The following MEF2A variants were observed in gnomAD, a reference collection of about 807,000 sequenced individuals.
MEF2A encodes the protein myocyte enhancer factor 2A.
Under a neutral mutation model 55.8 loss-of-function variants are expected in MEF2A, and 28 were observed. That is an observed-to-expected ratio of 0.50 (90% CI 0.37 to 0.69). The LOEUF is 0.69. MEF2A is among the 30% of genes least tolerant of loss of function. The pLI is 0.00. For synonymous variants in MEF2A, 239 were observed against 227.1 expected (o/e 1.05, Z -0.47); for missense variants, 528 against 626.2 (o/e 0.84, Z 1.67).
At chr15:99,581,545 G>C (rs535556388) in intron 1 of MEF2A, among the ~76,000 whole-genome samples, 3 of 151,666 alleles carry the variant, frequency 2.0e-5, no homozygotes, top group Admixed American at 2.0e-4. Flanking sequence ...TCTTTCAACT[G>C]GTGAATATGG....
intron 1 of MEF2A, among the ~76,000 whole-genome samples, chr15:99,584,038 G>C (rs1362242587): frequency 6.6e-6 from 1 of 152,108 alleles, no homozygotes; most frequent in Non-Finnish European, 1.5e-5. Flanking sequence ...GCTGAATAGT[G>C]TAGGCATTTG....
chr15:99,633,735 C>T (rs1284349963), intron 3 of MEF2A, among the ~76,000 whole-genome samples: 1 of 151,640 alleles, frequency 6.6e-6, no homozygotes, highest in South Asian at 2.1e-4. Flanking sequence ...CTTACAGATT[C>T]AAGGTAATTA....
At chr15:99,619,444 A>T (rs2040769333) in intron 2 of MEF2A, among the ~76,000 whole-genome samples, 1 of 152,096 alleles carries the variant, frequency 6.6e-6, no homozygotes, top group Admixed American at 6.5e-5. Context: ...GTCTTCAGTT[A>T]TTTTTCAGAT....
At chr15:99,677,176 A>G (rs1255956134) in intron 7 of MEF2A, among the ~76,000 whole-genome samples, 16 of 152,098 alleles carry the variant, frequency 1.1e-4, no homozygotes, top group Admixed American at 1.0e-3. Flanking sequence ...AGACCTTATT[A>G]TTTCTAACTT....
At chr15:99,700,890 T>C (rs2057313720) in intron 8 of MEF2A, among the ~76,000 whole-genome samples, 2 of 146,708 alleles carry the variant, frequency 1.4e-5, no homozygotes, top group South Asian at 4.8e-4. Flanking sequence ...AGTCCATTAC[T>C]GATATAAATA....
intron 1 of MEF2A, among the ~76,000 whole-genome samples, chr15:99,595,577 T>C (rs1056187710): frequency 6.6e-6 from 1 of 152,184 alleles, no homozygotes; most frequent in East Asian, 1.9e-4. Context: ...TATTGAATCC[T>C]GGGCCAGATA....
chr15:99,573,635 A>G (rs572926980), intron 1 of MEF2A, among the ~76,000 whole-genome samples: 32 of 152,308 alleles, frequency 2.1e-4, no homozygotes, highest in Non-Finnish European at 3.8e-4. Flanking sequence ...AACTAATTTC[A>G]TATGTTTATA....
chr15:99,683,711 TAAAAA>T (rs11299840), intron 7 of MEF2A, among the ~76,000 whole-genome samples: 15 of 139,454 alleles, frequency 1.1e-4, no homozygotes, highest in African/African-American at 3.8e-4. Flanking sequence ...GGCCTTTTAT[TAAAAA>T]AAAAAAAAAA....
chr15:99,710,449 T>C (rs767102559), intron 10 of MEF2A, among the ~76,000 whole-genome samples, 185 bp from the exon 11 acceptor site: 12 of 152,156 alleles, frequency 7.9e-5, no homozygotes, highest in East Asian at 1.9e-4. Context: ...CACCATGTTG[T>C]CCAGGCTGGT....
At chr15:99,571,979 G>C (rs1433423153) in intron 1 of MEF2A, among the ~76,000 whole-genome samples, 3 of 150,390 alleles carry the variant, frequency 2.0e-5, no homozygotes, top group Non-Finnish European at 4.4e-5. Flanking sequence ...AATTTTCTAA[G>C]TGGGCTGCTT....
intron 1 of MEF2A, among the ~76,000 whole-genome samples, chr15:99,582,697 T>C (rs1966280324): frequency 1.3e-5 from 2 of 152,152 alleles, no homozygotes; most frequent in African/African-American, 4.8e-5. Context: ...AGCTGAGCTT[T>C]CGACATATGG....
intron 7 of MEF2A, among the ~76,000 whole-genome samples, chr15:99,686,511 C>G (rs886499644): frequency 6.6e-6 from 1 of 152,138 alleles, no homozygotes; most frequent in Non-Finnish European, 1.5e-5. Context: ...TCTTGACCGG[C>G]AATTATTTTG....
chr15:99,645,563 C>G lies in MEF2A; in HGVS notation c.57C>G (p.Val19=). ...AATATACCTTTTTTATTGTTTAGGT[C>G]ACTTTTACAAAGAGAAAGTTTGGAT... is the stretch of plus-strand genomic sequence containing the variant. The part of the protein sequence containing the change: ...TRIMDERNRQ[V]TFTKRKFGLM... The change falls in exon 4 of 12, where the codon GTC becomes GTG. Residue 19 remains valine, a splice_region_variant and synonymous_variant. Coordinates refer to ENST00000557942, the MANE Select transcript of MEF2A (RefSeq NM_001319206.4). 1 of 1,609,004 alleles carries G rather than the reference C, an allele frequency of 6.2e-7. No individual in the cohort carries two copies. Among genetic ancestry groups the G allele is most frequent in the Non-Finnish European group, 8.5e-7 (1 of 1,176,872 alleles).
At chr15:99,690,764 G>A (rs535494967) in intron 8 of MEF2A, 5 of 433,742 alleles carry the variant, frequency 1.2e-5, no homozygotes, top group South Asian at 3.5e-5. Flanking sequence ...GTCTTGTGGA[G>A]ATAGAGAATA....
chr15:99,650,426 T>C (rs1414961099), intron 4 of MEF2A, among the ~76,000 whole-genome samples: 2 of 152,182 alleles, frequency 1.3e-5, no homozygotes, highest in Non-Finnish European at 2.9e-5. Flanking sequence ...CTAGTGAGGA[T>C]AATAGCAGTA....
At chr15:99,701,128 T>C (rs1393774745) in intron 8 of MEF2A, among the ~76,000 whole-genome samples, 1 of 152,190 alleles carries the variant, frequency 6.6e-6, no homozygotes, top group Non-Finnish European at 1.5e-5. Flanking sequence ...TATTCATTTC[T>C]TACAAAGGGA....
chr15:99,658,615 C>T (rs1308410349), intron 4 of MEF2A, among the ~76,000 whole-genome samples: 1 of 148,784 alleles, frequency 6.7e-6, no homozygotes, highest in African/African-American at 2.5e-5. Context: ...AAAAAAAAAA[C>T]AAACAAAAAC....
intron 4 of MEF2A, among the ~76,000 whole-genome samples, chr15:99,648,200 C>G (rs1029248944): frequency 6.6e-6 from 1 of 152,106 alleles, no homozygotes; most frequent in African/African-American, 2.4e-5. Context: ...TTCCTTTTCA[C>G]AGTTTCCTTT....
At chr15:99,585,117 T>C (rs1966854956) in intron 1 of MEF2A, among the ~76,000 whole-genome samples, 2 of 152,230 alleles carry the variant, frequency 1.3e-5, no homozygotes, top group South Asian at 4.1e-4. Context: ...GCACTTGGGC[T>C]GGAATTGTGC....
Sources: gnomAD v4.1 joint callset for allele counts (sites outside exome capture counted in the v4.1 genomes callset) on GRCh38, gnomAD v4.1.1 for gene constraint, MANE v1.5 for transcripts, NCBI Gene and HGNC (gene_info 2026-07-23, HGNC 2026-07-21) for gene names.